RFESD: variants seen among roughly 807,000 people sequenced by gnomAD.
RFESD encodes the protein Rieske domain-containing protein.
Under a neutral mutation model 24.4 loss-of-function variants are expected in RFESD, and 16 were observed. The observed-to-expected ratio is 0.66, with a 90% CI of 0.44 to 1.00. The LOEUF (loss-of-function observed/expected upper bound fraction) is 1.00. RFESD is among the 50% of genes least tolerant of loss of function. RFESD has a pLI of 0.00. For synonymous variants in RFESD, 59 were observed against 81.8 expected (o/e 0.72, Z 1.50); for missense variants, 208 against 247.0 (o/e 0.84, Z 1.06).
intron 5 of RFESD, 112 bp downstream of exon 5, chr5:95,654,479 C>A: frequency 1.4e-6 from 1 of 734,994 alleles, no homozygotes; most frequent in Non-Finnish European, 2.2e-6. Context: ...TCCAAGTATT[C>A]TGGGAATTCA....
intron 3 of RFESD, among the ~76,000 whole-genome samples, chr5:95,653,606 C>A (rs944418750): frequency 6.6e-6 from 1 of 152,106 alleles, no homozygotes; most frequent in Non-Finnish European, 1.5e-5. Context: ...TTAATATAAT[C>A]CAGTATTTAT....
At position 95,657,177 on chromosome 5, in the gene RFESD, C is replaced by T. The variant is rs1750812225; in HGVS notation, c.*868C>T. The T allele has an allele frequency of 6.6e-6, 1 of 152,094 alleles. No individual in the cohort carries two copies. Among genetic ancestry groups the T allele is most frequent in the Non-Finnish European group, 1.5e-5 (1 of 67,992 alleles). 9.4% of individuals were successfully genotyped at this position (152,094 alleles called of 1,614,324 possible). ...TGTGAATGTAGGCACAACTAAGTGT[C>T]TCCTATAAATATTATAGAGAGGAGA... On this transcript the variant is annotated 3_prime_UTR_variant, in exon 6 of 6. Transcript: ENST00000380005.
chr5:95,653,948 T>G (rs181190139), intron 3 of RFESD, 113 bp from the exon 4 acceptor site: 320 of 676,836 alleles, frequency 4.7e-4, no homozygotes, highest in Non-Finnish European at 7.4e-4. Context: ...CTACAGAAAG[T>G]GCCTCCATTA....
intron 1 of RFESD, among the ~76,000 whole-genome samples, chr5:95,649,244 T>G (rs1301860307): frequency 6.6e-6 from 1 of 152,236 alleles, no homozygotes; most frequent in Non-Finnish European, 1.5e-5. Context: ...ATATACTGTT[T>G]GGTTTTGCCA....
Position 95,656,481 on chromosome 5 carries a change from C to A in RFESD, c.*172C>A, listed in dbSNP as rs1200993100. 2.4e-5 allele frequency: 13 copies of A among 536,102 alleles called. No individual in the cohort carries two copies. The highest frequency in any genetic ancestry group is 9.3e-4 in the Middle Eastern group (2 of 2,150). The allele number at this position is 536,102 out of a possible 1,614,324, so 33.2% of individuals were successfully genotyped here. A position where few individuals can be genotyped will look rare whatever the true frequency, so the allele number is the denominator to read the frequency against. ...ATACTTAGTATGATGTAAGGATTAT[C>A]ATCAGGATCAATAGAATACATTTTA... On this transcript the variant is annotated 3_prime_UTR_variant, in exon 6 of 6. Transcript: ENST00000380005.
intron 1 of RFESD, among the ~76,000 whole-genome samples, chr5:95,648,516 ATAG>A (rs1295211692): frequency 6.6e-6 from 1 of 152,240 alleles, no homozygotes; most frequent in African/African-American, 2.4e-5. Flanking sequence ...GATATTCACA[ATAG>A]TAAGAATAAT....
intron 1 of RFESD, among the ~76,000 whole-genome samples, chr5:95,650,308 G>A (rs1189365934): frequency 6.6e-6 from 1 of 152,056 alleles, no homozygotes; most frequent in African/African-American, 2.4e-5. Flanking sequence ...AGTTTGATGT[G>A]TGTAATGCCT....
intron 2 of RFESD, 127 bp downstream of exon 2, chr5:95,652,458 A>C: frequency 1.7e-6 from 2 of 1,193,532 alleles, no homozygotes; most frequent in Non-Finnish European, 2.3e-6. Flanking sequence ...GATACCTTAA[A>C]CTCAATATGT....
Position 95,654,072 on chromosome 5 carries a change from A to T in RFESD, c.170A>T (p.Asp57Val). 1 of 1,607,894 alleles carries T rather than the reference A, an allele frequency of 6.2e-7. No homozygotes were observed. The highest frequency in any genetic ancestry group is 8.5e-7 in the Non-Finnish European group (1 of 1,178,732). Residue 57 changes from aspartate (D) to valine (V), a missense_variant, in exon 4 of 6, where the codon GAT (aspartate) becomes GTT (valine). Coordinates refer to ENST00000380005, the MANE Select transcript of RFESD (RefSeq NM_001131066.2). The stretch of plus-strand genomic sequence containing the variant: ...TTATGTTCAACTAGCATGAATCTTG[A>T]TGGCTCTGCACAAGATCCTGAAAAG... ...VTSFYLSMNL[D>V]GSAQDPEKRE...
intron 1 of RFESD, among the ~76,000 whole-genome samples, chr5:95,648,354 G>A (rs1750186958): frequency 6.6e-6 from 1 of 152,154 alleles, no homozygotes; most frequent in Non-Finnish European, 1.5e-5. Context: ...CAAACTGTAT[G>A]AGTTGTTTAA....
At chr5:95,650,850 G>A (rs1328845277) in intron 1 of RFESD, among the ~76,000 whole-genome samples, 1 of 152,186 alleles carries the variant, frequency 6.6e-6, no homozygotes, top group African/African-American at 2.4e-5. Flanking sequence ...TGTAATCCCA[G>A]CACATTGGGA....
Position 95,654,152 on chromosome 5 carries a change from A to C in RFESD, c.250A>C (p.Arg84=). The change falls in exon 4 of 6, where the codon AGA becomes CGA. Residue 84 remains arginine (R), a synonymous_variant. Coordinates refer to ENST00000380005, the MANE Select transcript of RFESD (RefSeq NM_001131066.2). The part of the protein sequence containing the change: ...GREDDIKKSE[R]MTAVVHDREV... ...AGAAGATGACATTAAAAAATCTGAAAGAATGACAGCTGTTGTCCATGATAG... is the reference window on the plus strand; with the variant it reads ...AGAAGATGACATTAAAAAATCTGAACGAATGACAGCTGTTGTCCATGATAG... The C allele has an allele frequency of 1.2e-6, 2 of 1,612,564 alleles. No homozygotes were observed. The highest frequency in any genetic ancestry group is 2.7e-5 in the African/African-American group (2 of 75,008).
intron 2 of RFESD, 77 bp from the exon 3 acceptor site, chr5:95,653,040 A>G (rs1476531845): frequency 4.6e-6 from 7 of 1,534,934 alleles, no homozygotes; most frequent in South Asian, 1.2e-5. Context: ...AATCTTGCAT[A>G]TTATGTTCCA....
intron 3 of RFESD, 62 bp downstream of exon 3, chr5:95,653,276 G>T: frequency 6.5e-7 from 1 of 1,545,844 alleles, no homozygotes. Context: ...CTATCTGGTT[G>T]TGCCTGTAAG....
At chr5:95,648,172 CT>C (rs1353440495) in intron 1 of RFESD, 2 of 151,930 alleles carry the variant, frequency 1.3e-5, no homozygotes, top group African/African-American at 4.8e-5. Flanking sequence ...AATTTATTTC[CT>C]TTGTTGGAAA....
intron 1 of RFESD, among the ~76,000 whole-genome samples, chr5:95,651,097 CAAAAAAAAAAAAA>C (rs1006612798): frequency 2.1e-5 from 1 of 48,372 alleles, no homozygotes; most frequent in Non-Finnish European, 4.3e-5. Flanking sequence ...GACTCCGTCT[CAAAAAAAAAAAAA>C]AAAAAAAAAA....
chr5:95,652,808 C>T (rs1390575548), intron 2 of RFESD: 4 of 343,946 alleles, frequency 1.2e-5, no homozygotes, highest in Non-Finnish European at 2.1e-5. Context: ...ACAGCATCAA[C>T]CCCCTGCGGC....
chr5:95,648,149 T>A (rs984609228), intron 1 of RFESD: 4 of 152,248 alleles, frequency 2.6e-5, no homozygotes, highest in Non-Finnish European at 4.4e-5. Flanking sequence ...AATATTTTTT[T>A]AAATTCCACT....
chr5:95,649,896 A>G (rs1369457845), intron 1 of RFESD, among the ~76,000 whole-genome samples: 2 of 151,828 alleles, frequency 1.3e-5, no homozygotes, highest in South Asian at 2.1e-4. Context: ...TCTTTAGCCT[A>G]TTTCCCCTTA....
Sources: allele counts gnomAD v4.1 joint callset (sites outside exome capture counted in the v4.1 genomes callset), GRCh38; gene constraint gnomAD v4.1.1; transcripts MANE v1.5; gene names NCBI Gene and HGNC (gene_info 2026-07-23, HGNC 2026-07-21).